ANKS1B: variants seen among roughly 807,000 people sequenced by gnomAD.
The protein encoded by ANKS1B is ankyrin repeat and sterile alpha motif domain-containing protein 1B.
In ANKS1B, 36 loss-of-function variants were observed where a neutral mutation model predicts 148.3. That is an observed-to-expected ratio of 0.24 (90% CI 0.19 to 0.32). The LOEUF (loss-of-function observed/expected upper bound fraction) is 0.32, where lower values mean the gene tolerates loss of function less well. Among genes scored for constraint, ANKS1B ranks in the 10% least tolerant of loss-of-function variants. The pLI is 1.00. For synonymous variants in ANKS1B, 542 were observed against 560.8 expected (o/e 0.97, Z 0.47); for missense variants, 1,157 against 1,542.6 (o/e 0.75, Z 4.19).
intron 1 of ANKS1B, among the ~76,000 whole-genome samples, chr12:99,899,215 A>G (rs1293167462): frequency 6.6e-6 from 1 of 152,120 alleles, no homozygotes; most frequent in Non-Finnish European, 1.5e-5. Flanking sequence ...TAAAAGATCA[A>G]AAAACTTGCC....
At chr12:99,109,076 C>A (rs188218175) in intron 15 of ANKS1B, among the ~76,000 whole-genome samples, 1 of 152,134 alleles carries the variant, frequency 6.6e-6, no homozygotes. Flanking sequence ...TTTCTCTTCT[C>A]GCTCTGATAC....
intron 12 of ANKS1B, among the ~76,000 whole-genome samples, chr12:99,380,701 T>G (rs996429194): frequency 2.0e-5 from 3 of 150,340 alleles, no homozygotes; most frequent in African/African-American, 7.4e-5. Context: ...CTAAACTTAT[T>G]TTGGCTTGTT....
At chr12:99,354,653 T>C (rs2091799636) in intron 12 of ANKS1B, among the ~76,000 whole-genome samples, 1 of 152,076 alleles carries the variant, frequency 6.6e-6, no homozygotes, top group Non-Finnish European at 1.5e-5. Flanking sequence ...CTAAAATGAC[T>C]TTGAGTCTCG....
At chr12:99,671,958 A>G (rs2098540221) in intron 8 of ANKS1B, among the ~76,000 whole-genome samples, 1 of 152,172 alleles carries the variant, frequency 6.6e-6, no homozygotes, top group South Asian at 2.1e-4. Context: ...CATATTAACA[A>G]TGCTGAGTGA....
intron 2 of ANKS1B, among the ~76,000 whole-genome samples, chr12:99,815,083 A>G (rs2068927373): frequency 6.6e-6 from 1 of 151,780 alleles, no homozygotes; most frequent in Admixed American, 6.6e-5. Flanking sequence ...CCTATAAAGC[A>G]TTTCCTTTCA....
At chr12:98,937,172 G>A (rs961548795) in intron 17 of ANKS1B, among the ~76,000 whole-genome samples, 2 of 152,108 alleles carry the variant, frequency 1.3e-5, no homozygotes, top group Non-Finnish European at 2.9e-5. Flanking sequence ...ATGACATCAA[G>A]GAACACTTAT....
At chr12:98,794,043 A>C (rs1401956190) in intron 22 of ANKS1B, among the ~76,000 whole-genome samples, 2 of 152,186 alleles carry the variant, frequency 1.3e-5, no homozygotes, top group Admixed American at 1.3e-4. Flanking sequence ...TGAAAAGTCA[A>C]AGCAATATAC....
intron 12 of ANKS1B, among the ~76,000 whole-genome samples, chr12:99,262,604 A>G (rs1467526969): frequency 6.6e-6 from 1 of 152,010 alleles, no homozygotes; most frequent in Non-Finnish European, 1.5e-5. Flanking sequence ...ACATTTTTAT[A>G]TTTTTTCTTT....
chr12:99,955,244 A>G (rs1475957365), intron 1 of ANKS1B, among the ~76,000 whole-genome samples: 2 of 152,084 alleles, frequency 1.3e-5, no homozygotes, highest in Non-Finnish European at 2.9e-5. Flanking sequence ...CAGGGTGACA[A>G]TATGGTTTGA....
chr12:98,883,175 G>A (rs2099718518), intron 17 of ANKS1B, among the ~76,000 whole-genome samples: 1 of 152,134 alleles, frequency 6.6e-6, no homozygotes, highest in Non-Finnish European at 1.5e-5. Context: ...ACAGCTTAAT[G>A]TATTAATTTT....
chr12:98,893,200 C>T (rs1490594795), intron 17 of ANKS1B, among the ~76,000 whole-genome samples: 1 of 152,220 alleles, frequency 6.6e-6, no homozygotes, highest in Non-Finnish European at 1.5e-5. Context: ...AGAATCACTG[C>T]TAACACACCC....
In ANKS1B at chr12:99,479,380, G is replaced by C. The variant is rs139019243; in HGVS notation, c.1438+25096C>G. The stretch of plus-strand genomic sequence containing the variant: ...GCAATATTAATAGAAAAGTCAAAGG[G>C]GTATTGCATAAATTTTAAAACAGCT... On this transcript the variant is annotated intron_variant, in intron 10 of 26. Coordinates refer to ENST00000683438, the MANE Select transcript of ANKS1B (RefSeq NM_001352186.2). Among the ~76,000 whole-genome samples the C allele has an allele frequency of 6.9e-4, 104 of 151,824 alleles. No individual in the cohort carries two copies. In the East Asian group the frequency reaches 0.02, roughly 29 times the overall value.
At chr12:99,674,620 G>A (rs890484954) in intron 8 of ANKS1B, among the ~76,000 whole-genome samples, 3 of 151,594 alleles carry the variant, frequency 2.0e-5, no homozygotes, top group African/African-American at 7.3e-5. Flanking sequence ...AAAATAAGTG[G>A]ATTACTCAAT....
At chr12:98,895,259 C>T in intron 17 of ANKS1B, 1 of 985,306 alleles carries the variant, frequency 1.0e-6, no homozygotes, top group Non-Finnish European at 1.2e-6. Flanking sequence ...GCACTCGCTG[C>T]TGCTGGGCGC....
At chr12:98,942,160 G>C (rs192870055) in intron 17 of ANKS1B, among the ~76,000 whole-genome samples, 1,996 of 150,026 alleles carry the variant, frequency 0.013, 37 homozygotes, top group African/African-American at 0.046. Flanking sequence ...AGAATCACTT[G>C]AACCCAGGAG....
chr12:99,725,466 T>G, intron 8 of ANKS1B, among the ~76,000 whole-genome samples: 1 of 152,372 alleles, frequency 6.6e-6, no homozygotes, highest in Non-Finnish European at 1.5e-5. Context: ...ATCCTAAATA[T>G]GTATGCACCC....
intron 4 of ANKS1B, among the ~76,000 whole-genome samples, chr12:99,803,283 C>CG (rs981473203): frequency 2.9e-5 from 4 of 136,218 alleles, no homozygotes; most frequent in East Asian, 2.4e-4. Flanking sequence ...TCACCCCCCC[C>CG]CAAAAAAAAA....
chr12:98,781,786 C>A (rs1227345437), intron 23 of ANKS1B, among the ~76,000 whole-genome samples: 1 of 152,206 alleles, frequency 6.6e-6, no homozygotes, highest in African/African-American at 2.4e-5. Flanking sequence ...CTTGTGACCA[C>A]AAGGGATGTA....
At chr12:99,919,779 T>TAAAAAAAA (rs61076587) in intron 1 of ANKS1B, among the ~76,000 whole-genome samples, 1,797 of 134,316 alleles carry the variant, frequency 0.013, 22 homozygotes, top group Non-Finnish European at 0.019. Flanking sequence ...GCTGCAGAGT[T>TAAAAAAAA]AAAAAAAAAA....
Sources: allele counts gnomAD v4.1 joint callset (sites outside exome capture counted in the v4.1 genomes callset), GRCh38; gene constraint gnomAD v4.1.1; transcripts MANE v1.5; gene names NCBI Gene and HGNC (gene_info 2026-07-23, HGNC 2026-07-21).